ZNF831: variants seen among roughly 807,000 people sequenced by gnomAD.
ZNF831 encodes chromosome 20 open reading frame 174.
Under a neutral mutation model 95.8 loss-of-function variants are expected in ZNF831, and 59 were observed. That is an observed-to-expected ratio of 0.62 (90% confidence interval 0.50 to 0.77). ZNF831 has a LOEUF of 0.77. Among genes scored for constraint, ZNF831 ranks in the 30% least tolerant of loss-of-function variants. The pLI is 0.00. For missense variants in ZNF831, 2,205 were observed against 2,164.0 expected (o/e 1.02, Z -0.38); for synonymous variants, 961 against 925.5 (o/e 1.04, Z -0.70).
chr20:59,203,738 A>G (rs1279524493), intron 3 of ZNF831, among the ~76,000 whole-genome samples: 1 of 152,166 alleles, frequency 6.6e-6, no homozygotes, highest in Non-Finnish European at 1.5e-5. Context: ...CAAATACCAC[A>G]CTGTAATGAA....
chr20:59,212,772 A>C (rs1262727121), intron 4 of ZNF831, among the ~76,000 whole-genome samples: 2 of 152,154 alleles, frequency 1.3e-5, no homozygotes, highest in Non-Finnish European at 2.9e-5. Flanking sequence ...GAACATGAGA[A>C]CTTTCCCTAA....
In ZNF831 at chr20:59,169,109, AG is replaced by A. The variant is rs1276144224; in HGVS notation, c.-37+4903del. 6.6e-6 allele frequency among the ~76,000 whole-genome samples: 1 copy of A among 152,200 alleles called. No individual in the cohort carries two copies. The highest frequency in any genetic ancestry group is 2.4e-5 in the African/African-American group (1 of 41,446). ...ATTTCCTTTTCTGTTTTCCGGATAA[AG>A]TTGCGTCGAATTTGTGTTAATTCTT... On this transcript the variant is annotated intron_variant, in intron 1 of 5. Transcript: ENST00000371030. This position sits in a 1 kb window ranked among gnomAD's most constrained non-coding sequence, Gnocchi z 4.1.
At chr20:59,252,448 GT>G (rs1377408706) in intron 4 of ZNF831, among the ~76,000 whole-genome samples, 1 of 152,132 alleles carries the variant, frequency 6.6e-6, no homozygotes, top group Non-Finnish European at 1.5e-5. Context: ...TGTGGATATT[GT>G]CAGGGCCCTT....
chr20:59,136,959 G>A (rs547794932), intron 1 of ZNF831, among the ~76,000 whole-genome samples: 119 of 152,272 alleles, frequency 7.8e-4, no homozygotes, highest in African/African-American at 2.6e-3. Context: ...GGGAAGGGGT[G>A]CATCCACCTT....
chr20:59,223,916 A>C (rs1374589895), intron 4 of ZNF831, among the ~76,000 whole-genome samples: 1 of 152,250 alleles, frequency 6.6e-6, no homozygotes, highest in Non-Finnish European at 1.5e-5. Flanking sequence ...AAAGGCTGCC[A>C]GGAGGCCACG....
At chr20:59,186,278 C>T (rs960107166) in intron 1 of ZNF831, among the ~76,000 whole-genome samples, 1 of 152,120 alleles carries the variant, frequency 6.6e-6, no homozygotes, top group African/African-American at 2.4e-5. Context: ...ATCCTTTTCT[C>T]AGGAACCCAC....
At chr20:59,216,944 CT>C (rs1202590767) in intron 4 of ZNF831, among the ~76,000 whole-genome samples, 10 of 144,818 alleles carry the variant, frequency 6.9e-5, no homozygotes, top group Non-Finnish European at 4.5e-5. Flanking sequence ...CACTTTTGTT[CT>C]TAAAAAAAAA....
At position 59,257,468 on chromosome 20, in the gene ZNF831, A is replaced by G. The variant is rs972589098; in HGVS notation, c.*2725A>G. 1.6e-4 allele frequency: 25 copies of G among 152,294 alleles called. No individual in the cohort carries two copies. Among genetic ancestry groups the G allele is most frequent in the African/African-American group, 6.0e-4 (25 of 41,558 alleles). 9.4% of individuals were successfully genotyped at this position (152,294 alleles called of 1,614,324 possible). On this transcript the variant is annotated 3_prime_UTR_variant, in exon 6 of 6. Transcript: ENST00000371030. ...AACAATCTCTGATTTTATAAATCTT[A>G]ATTTTCCTATGGGTTTTCTTAAAGT...
intron 1 of ZNF831, among the ~76,000 whole-genome samples, chr20:59,170,584 C>T (rs1392472097): frequency 6.6e-6 from 1 of 152,072 alleles, no homozygotes; most frequent in Admixed American, 6.5e-5. Context: ...AGTCTGGGTC[C>T]AATCAGGAAG....
At chr20:59,195,790 GCAGAGCGAGA>G in intron 2 of ZNF831, 69 bp from the exon 3 acceptor site, 1 of 1,535,040 alleles carries the variant, frequency 6.5e-7, no homozygotes, top group Non-Finnish European at 8.7e-7. Flanking sequence ...CATCTTGTCT[GCAGAGCGAGA>G]ACCCTTTGGA....
intron 3 of ZNF831, among the ~76,000 whole-genome samples, chr20:59,204,726 C>T (rs956463179): frequency 1.5e-4 from 23 of 152,238 alleles, no homozygotes; most frequent in African/African-American, 5.1e-4. Context: ...CCCTCACAGC[C>T]GGGTGCGGAG....
intron 1 of ZNF831, among the ~76,000 whole-genome samples, chr20:59,175,417 T>A (rs556445215): frequency 2.0e-5 from 3 of 152,196 alleles, no homozygotes; most frequent in African/African-American, 7.2e-5. Context: ...CTGTTCATTT[T>A]TTTTTTATTT....
intron 4 of ZNF831, among the ~76,000 whole-genome samples, chr20:59,245,168 C>T (rs1213536681): frequency 6.6e-6 from 1 of 152,216 alleles, no homozygotes; most frequent in Non-Finnish European, 1.5e-5. Context: ...AAGAGGTCAC[C>T]ACCAAGCGGC....
intron 4 of ZNF831, among the ~76,000 whole-genome samples, chr20:59,221,737 C>T (rs1986087844): frequency 6.6e-6 from 1 of 152,186 alleles, no homozygotes; most frequent in African/African-American, 2.4e-5. Context: ...TGCTTATTTC[C>T]TTAACTTCCA....
At chr20:59,207,244 C>G (rs1178048374) in intron 4 of ZNF831, among the ~76,000 whole-genome samples, 188 bp downstream of exon 4, 4 of 152,166 alleles carry the variant, frequency 2.6e-5, no homozygotes, top group Non-Finnish European at 5.9e-5. Flanking sequence ...GTGGGGAGGG[C>G]ATGTGGTAGA....
At chr20:59,131,366 G>A (rs536520152) in intron 1 of ZNF831, among the ~76,000 whole-genome samples, 7 of 152,322 alleles carry the variant, frequency 4.6e-5, no homozygotes, top group Non-Finnish European at 8.8e-5. Context: ...TAAAGCCAGG[G>A]TCCTGGTCCA....
At chr20:59,153,426 C>A (rs529395080) in intron 2 of ZNF831, among the ~76,000 whole-genome samples, 2 of 152,242 alleles carry the variant, frequency 1.3e-5, no homozygotes, top group Non-Finnish European at 2.9e-5. Context: ...ACAGCCTCCC[C>A]CTGGGAGCGG....
chr20:59,173,136 G>A (rs923737107), intron 1 of ZNF831, among the ~76,000 whole-genome samples: 3 of 152,128 alleles, frequency 2.0e-5, no homozygotes, highest in African/African-American at 2.4e-5. Context: ...CCACTTGTAC[G>A]GGAGGCTCAG....
At chr20:59,184,625 G>A (rs912642296) in intron 1 of ZNF831, among the ~76,000 whole-genome samples, 1 of 152,140 alleles carries the variant, frequency 6.6e-6, no homozygotes, top group African/African-American at 2.4e-5. Context: ...GGTGATGGTG[G>A]TCCAGGATGA....
Sources: gnomAD v4.1 joint callset for allele counts (sites outside exome capture counted in the v4.1 genomes callset) on GRCh38, gnomAD v4.1.1 for gene constraint, Gnocchi (gnomAD v3.1) non-coding constraint, MANE v1.5 for transcripts, NCBI Gene and HGNC (gene_info 2026-07-23, HGNC 2026-07-21) for gene names.